Variants in DNAH2 observed in about 807,000 individuals in gnomAD.
DNAH2 encodes dynein axonemal heavy chain 2, also known as axonemal beta dynein heavy chain 2.
A neutral mutation model predicts 523.5 loss-of-function variants in DNAH2; 323 were observed. The observed-to-expected ratio is 0.62, with a 90% CI of 0.56 to 0.68. DNAH2 has a LOEUF of 0.68. Among genes scored for constraint, DNAH2 ranks in the 30% least tolerant of loss-of-function variants. The pLI is 0.00. For synonymous variants in DNAH2, 2,093 were observed against 2,177.4 expected, an observed-to-expected ratio of 0.96 and a Z score of 1.08; for missense variants, 4,907 against 5,701.5, an observed-to-expected ratio of 0.86 and a Z score of 4.49.
At chr17:7,799,044 C>A in intron 55 of DNAH2, 59 bp from the exon 56 acceptor site, 1 of 1,592,534 alleles carries the variant, frequency 6.3e-7, no homozygotes, top group Admixed American at 1.7e-5. Context: ...TGACCCGCTG[C>A]CCCCGCTGAT....
chr17:7,744,293 C>CAAAAAA (rs397977899), intron 12 of DNAH2, among the ~76,000 whole-genome samples: 1 of 37,112 alleles, frequency 2.7e-5, no homozygotes, highest in African/African-American at 9.8e-5. Flanking sequence ...GTCTCCGTCT[C>CAAAAAA]AAAAAAAAAA....
chr17:7,728,907 C>G (rs1429151915), intron 4 of DNAH2, among the ~76,000 whole-genome samples: 8 of 151,842 alleles, frequency 5.3e-5, no homozygotes, highest in African/African-American at 1.5e-4. Context: ...ATCACTTGAG[C>G]CTGGGAGGTG....
intron 3 of DNAH2, among the ~76,000 whole-genome samples, chr17:7,725,186 C>T (rs1317863799): frequency 2.6e-5 from 4 of 150,986 alleles, no homozygotes; most frequent in African/African-American, 9.8e-5. Context: ...GCCTCCCAGG[C>T]TCAAGTGATT....
chr17:7,745,793 C>CAAAAA (rs5819164), intron 12 of DNAH2, among the ~76,000 whole-genome samples: 47 of 123,616 alleles, frequency 3.8e-4, no homozygotes, highest in Non-Finnish European at 5.5e-4. Flanking sequence ...CTGTCTCAAA[C>CAAAAA]AAAAAAAAAA....
intron 28 of DNAH2, among the ~76,000 whole-genome samples, 166 bp downstream of exon 28, chr17:7,771,634 C>T (rs1231112525): frequency 4.6e-5 from 7 of 152,100 alleles, no homozygotes; most frequent in Non-Finnish European, 5.9e-5. Flanking sequence ...AAATTAAACT[C>T]AACAAATATT....
rs760604509 is a variant in DNAH2 at position 7,734,243 on chromosome 17, T to A, written c.689T>A (p.Met230Lys). 1.9e-6 allele frequency: 3 copies of A among 1,607,322 alleles called. No individual in the cohort carries two copies. In the African/African-American group the frequency reaches 4.0e-5, roughly 21 times the overall value. The change falls in exon 6 of 86, where the codon ATG becomes AAG. Residue 230 changes from methionine to lysine, a missense_variant. Met to Lys is a moderately conservative substitution (Grantham distance 95, BLOSUM62 -1). Transcript: ENST00000572933. ...TACATCCCTGCAGAGGCCATGAACATGAAGCCTGAGATGGTGATAAAGGAC... is the reference window on the plus strand; with the variant it reads ...TACATCCCTGCAGAGGCCATGAACAAGAAGCCTGAGATGGTGATAAAGGAC... ...VLYIPAEAMN[M>K]KPEMVIKDKE...
chr17:7,789,079 G>A (rs972907241), intron 44 of DNAH2, among the ~76,000 whole-genome samples: 17 of 152,292 alleles, frequency 1.1e-4, no homozygotes, highest in African/African-American at 3.1e-4. Flanking sequence ...CAGGACAATC[G>A]CTTGAACCCA....
At position 7,795,984 on chromosome 17, in the gene DNAH2, GTA is replaced by G. The variant is rs757795928; in HGVS notation, c.7675-467_7675-466del. Among the ~76,000 whole-genome samples, 319 of 143,560 alleles carry G rather than the reference GTA, an allele frequency of 2.2e-3. 1 individual carries two copies. Among genetic ancestry groups the G allele is most frequent in the Non-Finnish European group, 3.7e-3 (244 of 66,278 alleles). 94.2% of individuals were successfully genotyped at this position (143,560 alleles called of 152,430 possible). ...AAATATAAATATGTATAAATATATA[GTA>G]TATATATATATAGTGTTATATAATA... On this transcript the variant is annotated intron_variant, in intron 49 of 85. Transcript: ENST00000572933.
chr17:7,722,561 C>T (rs1273642007), intron 2 of DNAH2, among the ~76,000 whole-genome samples: 1 of 152,102 alleles, frequency 6.6e-6, no homozygotes, highest in Non-Finnish European at 1.5e-5. Context: ...CCTGATTCCC[C>T]CTTCCCCCGC....
At position 7,801,940 on chromosome 17, in the gene DNAH2, G is replaced by C; in HGVS notation, c.8895G>C (p.Gln2965His). Reference protein sequence around the residue: ...TMHWSVAQYSQKMLLELRRHN... With the variant: ...TMHWSVAQYSHKMLLELRRHN... The stretch of plus-strand genomic sequence containing the variant: ...ACTGGTCAGTAGCTCAGTATTCCCA[G>C]AAGATGCTGTTGGAACTGCGGAGAC... Residue 2965 changes from glutamine (Q) to histidine (H), a missense_variant, in exon 58 of 86, where the codon CAG (glutamine) becomes CAC (histidine). By Grantham distance (24) the Gln-to-His change is conservative. Coordinates refer to ENST00000572933, the MANE Select transcript of DNAH2 (RefSeq NM_020877.5). 6.2e-7 allele frequency: 1 copy of C among 1,614,234 alleles called. No homozygotes were observed. Among genetic ancestry groups the C allele is most frequent in the Non-Finnish European group, 8.5e-7 (1 of 1,180,054 alleles).
rs2077841389 is a variant in DNAH2, at chr17:7,821,164, A to G, written c.11016-79A>G. The G allele has an allele frequency of 6.5e-7, 1 of 1,545,956 alleles. No individual in the cohort carries two copies. The highest frequency in any genetic ancestry group is 8.8e-7 in the Non-Finnish European group (1 of 1,140,480). On this transcript the variant is annotated intron_variant, in intron 72 of 85. Transcript: ENST00000572933. This position sits in a 1 kb window ranked among gnomAD's most constrained non-coding sequence, Gnocchi z 5.0. ...GGTCCTCTGTGTGAAGCTGTGTGATAGTAGCATCATAGCATTCGCATGGAG... is the reference window on the plus strand; with the variant it reads ...GGTCCTCTGTGTGAAGCTGTGTGATGGTAGCATCATAGCATTCGCATGGAG...
In DNAH2 at chr17:7,759,517, C is replaced by T. The variant is rs2075945231; in HGVS notation, c.2544C>T (p.Ser848=). 1.9e-6 allele frequency: 3 copies of T among 1,614,058 alleles called. No individual in the cohort carries two copies. The highest frequency in any genetic ancestry group is 2.5e-6 in the Non-Finnish European group (3 of 1,180,042). The change falls in exon 16 of 86, where the codon TCC becomes TCT. Residue 848 remains serine (S), a synonymous_variant. Coordinates refer to ENST00000572933, the MANE Select transcript of DNAH2 (RefSeq NM_020877.5). ...LNVKWSLLEL[S]KAINGDGKTS... ...TGAAGTGGTCACTGCTAGAACTATC[C>T]AAGGCTATCAACGGGGATGGAAAGA...
intron 25 of DNAH2, 63 bp downstream of exon 25, chr17:7,770,471 G>A: frequency 1.2e-6 from 2 of 1,613,536 alleles, no homozygotes; most frequent in East Asian, 2.2e-5. Context: ...GGCTCCAGCT[G>A]TTCATCATCT....
At chr17:7,748,947 G>A (rs1262067231) in intron 12 of DNAH2, among the ~76,000 whole-genome samples, 1 of 151,840 alleles carries the variant, frequency 6.6e-6, no homozygotes, top group Non-Finnish European at 1.5e-5. Context: ...CATCAGGAAG[G>A]TATTGTCTGA....
chr17:7,766,273 C>T (rs1322779791), intron 21 of DNAH2, 45 bp from the exon 22 acceptor site: 1 of 1,595,674 alleles, frequency 6.3e-7, no homozygotes, highest in Non-Finnish European at 8.6e-7. Context: ...GCTGTCCTTG[C>T]CAGACGTGAG....
intron 63 of DNAH2, among the ~76,000 whole-genome samples, chr17:7,814,978 C>A (rs2077619280): frequency 6.6e-6 from 1 of 152,116 alleles, no homozygotes; most frequent in Admixed American, 6.5e-5. Flanking sequence ...GCATGTATGT[C>A]TTTCTTTCTT....
intron 63 of DNAH2, among the ~76,000 whole-genome samples, chr17:7,808,531 G>A (rs920287184): frequency 6.6e-6 from 1 of 152,166 alleles, no homozygotes; most frequent in Non-Finnish European, 1.5e-5. Context: ...AGGTAATACA[G>A]TTACATGGTT....
intron 18 of DNAH2, among the ~76,000 whole-genome samples, chr17:7,762,352 T>C (rs1194342100): frequency 3.0e-5 from 4 of 132,018 alleles, no homozygotes; most frequent in Admixed American, 2.2e-4. Context: ...TTTTTTTTTT[T>C]TGAGACGGAG....
chr17:7,813,957 C>T (rs892406558), intron 63 of DNAH2, among the ~76,000 whole-genome samples: 2 of 150,630 alleles, frequency 1.3e-5, no homozygotes, highest in African/African-American at 4.9e-5. Context: ...GAGTGCTGGG[C>T]ATTATTTTAG....
Sources: allele counts gnomAD v4.1 joint callset (sites outside exome capture counted in the v4.1 genomes callset), GRCh38; gene constraint gnomAD v4.1.1; non-coding constraint Gnocchi (gnomAD v3.1); transcripts MANE v1.5; gene names NCBI Gene and HGNC (gene_info 2026-07-23, HGNC 2026-07-21).